The following EPB41L2 variants were observed in gnomAD, a reference collection of about 807,000 sequenced individuals.
EPB41L2 encodes erythrocyte membrane protein band 4.1 like 2.
In EPB41L2, 43 loss-of-function variants were observed where a neutral mutation model predicts 113.0. The ratio of observed to expected loss-of-function variants is 0.38; its 90% CI spans 0.30 to 0.49. The LOEUF (loss-of-function observed/expected upper bound fraction) is 0.49, where lower values mean the gene tolerates loss of function less well. EPB41L2 is among the 20% of genes least tolerant of loss of function. The pLI is 0.95. For synonymous variants in EPB41L2, 442 were observed against 436.7 expected (o/e 1.01, Z -0.15); for missense variants, 1,147 against 1,223.4 (o/e 0.94, Z 0.93).
chr6:130,975,906 T>C lies in EPB41L2; in HGVS notation c.-14-19407A>G, dbSNP rs574587821. 1.4e-3 allele frequency among the ~76,000 whole-genome samples: 206 copies of C among 152,260 alleles called. 2 individuals are homozygous for C. The highest frequency in any genetic ancestry group is 4.7e-3 in the African/African-American group (196 of 41,562). ...AGCTGGGCGCGGTGGCATGTGCCTG[T>C]AATCCCAGCTAGTCGGGAGGCTGAG... On this transcript the variant is annotated intron_variant, in intron 1 of 19. Coordinates refer to ENST00000337057, the MANE Select transcript of EPB41L2 (RefSeq NM_001431.4).
rs754932823 is a variant in EPB41L2, at chr6:130,907,843, A to G, written c.853+978T>C. ...TTTCAGTATTTTGACCTTAGGAATA[A>G]TAAGTAAGTAAGGAAATGAAATCAA... On this transcript the variant is annotated intron_variant, in intron 5 of 19. Coordinates refer to ENST00000337057, the MANE Select transcript of EPB41L2 (RefSeq NM_001431.4). Among the ~76,000 whole-genome samples the G allele has an allele frequency of 1.5e-3, 235 of 152,248 alleles. 3 individuals carry two copies. Among genetic ancestry groups the G allele is most frequent in the Non-Finnish European group, 4.4e-4 (30 of 68,020 alleles).
At chr6:131,060,367 C>T (rs1281100755) in intron 1 of EPB41L2, among the ~76,000 whole-genome samples, 5 of 152,206 alleles carry the variant, frequency 3.3e-5, no homozygotes, top group Non-Finnish European at 7.3e-5. Flanking sequence ...TACAATATTA[C>T]TAATTACAGA....
At chr6:130,999,950 C>A (rs1784010466) in intron 1 of EPB41L2, among the ~76,000 whole-genome samples, 2 of 152,160 alleles carry the variant, frequency 1.3e-5, no homozygotes, top group African/African-American at 4.8e-5. Flanking sequence ...CATGTTAAAT[C>A]AACCAGGCAA....
intron 1 of EPB41L2, among the ~76,000 whole-genome samples, chr6:131,019,729 T>C (rs1789023296): frequency 6.6e-6 from 1 of 152,158 alleles, no homozygotes; most frequent in Non-Finnish European, 1.5e-5. Context: ...CTAAAATGAA[T>C]TACAGTTAAT....
intron 3 of EPB41L2, among the ~76,000 whole-genome samples, chr6:130,933,713 G>A (rs1004193744): frequency 1.3e-5 from 2 of 152,192 alleles, no homozygotes; most frequent in African/African-American, 4.8e-5. Flanking sequence ...TGCAGCCCAA[G>A]GAAGGCAGGC....
intron 3 of EPB41L2, among the ~76,000 whole-genome samples, chr6:130,950,475 T>A (rs982223577): frequency 6.6e-6 from 1 of 152,102 alleles, no homozygotes; most frequent in Admixed American, 6.5e-5. Flanking sequence ...TATTAATTGC[T>A]GTAACTAACT....
chr6:131,037,676 C>A (rs1439281042), intron 1 of EPB41L2, among the ~76,000 whole-genome samples: 1 of 150,960 alleles, frequency 6.6e-6, no homozygotes, highest in Non-Finnish European at 1.5e-5. Context: ...GCAACCTCCA[C>A]TTCCTGGGCT....
chr6:130,885,259 C>T lies in EPB41L2; in HGVS notation c.1670G>A (p.Gly557Asp). Reference sequence around the variant, plus strand: ...CTTCATAAGACTTTGGTCCATGACACCAATCGGAGCTAGTAAAGAGTGACA... The same window carrying T: ...CTTCATAAGACTTTGGTCCATGACATCAATCGGAGCTAGTAAAGAGTGACA... ...VSRSLDGAPI[G>D]VMDQSLMKDF... Residue 557 changes from glycine (G) to aspartate (D), a missense_variant, in exon 12 of 20, where the codon GGT (glycine) becomes GAT (aspartate). By Grantham distance (94) the Gly-to-Asp change is moderately conservative. Transcript: ENST00000337057. 6.2e-7 allele frequency: 1 copy of T among 1,613,964 alleles called. No individual in the cohort carries two copies. The highest frequency in any genetic ancestry group is 8.5e-7 in the Non-Finnish European group (1 of 1,179,960).
In EPB41L2 at chr6:131,047,254, T is replaced by C. The variant is rs926623266; in HGVS notation, c.-15+15901A>G. Among the ~76,000 whole-genome samples, 10 of 152,208 alleles carry C rather than the reference T, an allele frequency of 6.6e-5. 1 individual carries two copies. The highest frequency in any genetic ancestry group is 6.5e-4 in the Admixed American group (10 of 15,280). On this transcript the variant is annotated intron_variant, in intron 1 of 19. Transcript: ENST00000337057. ...AGGAAACTGAGACAGAAGGATCACT[T>C]GAGCCCAGGAGTTCAAGGCTGTAGT...
At position 130,884,207 on chromosome 6, in the gene EPB41L2, C is replaced by T. The variant is rs142517410; in HGVS notation, c.1833+889G>A. On this transcript the variant is annotated intron_variant, in intron 12 of 19. Coordinates refer to ENST00000337057, the MANE Select transcript of EPB41L2 (RefSeq NM_001431.4). ...AATTAGCCGGGCACGTGGTGGCAGGCGCCTGTAATCCCAGCTACTTGGGAG... is the reference window on the plus strand; with the variant it reads ...AATTAGCCGGGCACGTGGTGGCAGGTGCCTGTAATCCCAGCTACTTGGGAG... Among the ~76,000 whole-genome samples the T allele has an allele frequency of 6.7e-3, 1,022 of 151,938 alleles. 17 individuals carry two copies. The highest frequency in any genetic ancestry group is 0.023 in the African/African-American group (973 of 41,428).
chr6:131,057,407 A>G (rs908792562), intron 1 of EPB41L2, among the ~76,000 whole-genome samples: 4 of 152,250 alleles, frequency 2.6e-5, no homozygotes, highest in Admixed American at 6.5e-5. Context: ...TCTAGGGTGA[A>G]AAACAAGTAG....
chr6:130,929,776 C>G (rs1806071620), intron 3 of EPB41L2, among the ~76,000 whole-genome samples: 1 of 150,754 alleles, frequency 6.6e-6, no homozygotes, highest in Non-Finnish European at 1.5e-5. Context: ...CTCTGCACAA[C>G]AACAATCTTT....
rs1216665409 is a variant in EPB41L2, at chr6:130,951,227, A to T, written c.705+3878T>A. Among the ~76,000 whole-genome samples, 17 of 107,932 alleles carry T rather than the reference A, an allele frequency of 1.6e-4. No individual in the cohort carries two copies. In the East Asian group the frequency reaches 5.3e-3, roughly 33 times the overall value. 70.8% of individuals were successfully genotyped at this position (107,932 alleles called of 152,430 possible). A position where few individuals can be genotyped will look rare whatever the true frequency, so the allele number is the denominator to read the frequency against. ...AGCCAAGATCATGCCACTGCACTCC[A>T]GCTTGGGTGACAGAGCAACTGTCTC... On this transcript the variant is annotated intron_variant, in intron 3 of 19. Transcript: ENST00000337057.
At chr6:131,013,955 G>A (rs1478535003) in intron 1 of EPB41L2, 3 of 152,002 alleles carry the variant, frequency 2.0e-5, no homozygotes, top group Non-Finnish European at 4.4e-5. Context: ...AAATCGTCCA[G>A]GATGCAATGG....
chr6:130,857,413 T>C (rs1054523375), intron 19 of EPB41L2, among the ~76,000 whole-genome samples: 1 of 152,218 alleles, frequency 6.6e-6, no homozygotes, highest in Non-Finnish European at 1.5e-5. Context: ...ATACTATTCC[T>C]TTCTCTGCCA....
At chr6:131,044,527 C>T (rs1172142099) in intron 1 of EPB41L2, among the ~76,000 whole-genome samples, 7 of 152,100 alleles carry the variant, frequency 4.6e-5, no homozygotes. Flanking sequence ...TAACTTTAAT[C>T]ATCTTAAAAT....
chr6:131,057,067 TAAAAA>T (rs889327482), intron 1 of EPB41L2, among the ~76,000 whole-genome samples: 2 of 150,358 alleles, frequency 1.3e-5, no homozygotes, highest in African/African-American at 4.9e-5. Context: ...GTGAAAAAAT[TAAAAA>T]AAAAGAGAAA....
intron 15 of EPB41L2, chr6:130,868,464 A>G (rs1262028855): frequency 6.6e-6 from 1 of 152,230 alleles, no homozygotes; most frequent in East Asian, 1.9e-4. Context: ...ATACTGCAGT[A>G]CTTTCTTTGA....
At chr6:130,998,622 G>A (rs1222280025) in intron 1 of EPB41L2, among the ~76,000 whole-genome samples, 3 of 152,136 alleles carry the variant, frequency 2.0e-5, no homozygotes, top group African/African-American at 7.2e-5. Context: ...TCAGTGGACA[G>A]TACTCTGAAA....
Sources: allele counts gnomAD v4.1 joint callset (sites outside exome capture counted in the v4.1 genomes callset), GRCh38; gene constraint gnomAD v4.1.1; transcripts MANE v1.5; gene names NCBI Gene and HGNC (gene_info 2026-07-23, HGNC 2026-07-21).